The following AOPEP variants were observed in gnomAD, a reference collection of about 807,000 sequenced individuals.
AOPEP encodes aminopeptidase O (putative), also known as aminopeptidase O.
Under a neutral mutation model 98.1 loss-of-function variants are expected in AOPEP, and 77 were observed. The ratio of observed to expected loss-of-function variants is 0.78; its 90% CI spans 0.65 to 0.95. The LOEUF is 0.95. Among genes scored for constraint, AOPEP ranks in the 40% least tolerant of loss-of-function variants. The pLI is 0.00. For missense variants in AOPEP, 1,024 were observed against 1,024.7 expected, an observed-to-expected ratio of 1.00 and a Z score of 0.01; for synonymous variants, 346 against 365.3, an observed-to-expected ratio of 0.95 and a Z score of 0.60.
intron 13 of AOPEP, among the ~76,000 whole-genome samples, chr9:95,026,099 C>T (rs563994969): frequency 1.6e-4 from 24 of 152,126 alleles, no homozygotes; most frequent in Non-Finnish European, 2.8e-4. Context: ...TCATCTTTTC[C>T]ACTCTGAAGT....
At chr9:95,060,339 G>A (rs2067218437) in intron 13 of AOPEP, among the ~76,000 whole-genome samples, 2 of 152,194 alleles carry the variant, frequency 1.3e-5, no homozygotes, top group Admixed American at 6.5e-5. Flanking sequence ...TTGAATCTTT[G>A]TCTAGGCTAA....
chr9:95,061,239 T>C (rs970772958), intron 14 of AOPEP, among the ~76,000 whole-genome samples: 1 of 152,306 alleles, frequency 6.6e-6, no homozygotes, highest in South Asian at 2.1e-4. Flanking sequence ...GCAGCTGTAG[T>C]TGGAAAAGGC....
At position 94,978,258 on chromosome 9, in the gene AOPEP, G is replaced by A. The variant is rs182062272; in HGVS notation, c.1917-1109G>A. On this transcript the variant is annotated intron_variant, in intron 10 of 16. Transcript: ENST00000375315. The stretch of plus-strand genomic sequence containing the variant: ...ATAGTTACATACTTTTACATATGAT[G>A]TAGTGTATAATACATTAAAATTTAA... Among the ~76,000 whole-genome samples the A allele has an allele frequency of 4.8e-3, 731 of 152,232 alleles. 3 individuals carry two copies. The highest frequency in any genetic ancestry group is 0.01 in the Middle Eastern group (3 of 294).
chr9:95,079,919 C>CTTT (rs985989859), intron 14 of AOPEP, among the ~76,000 whole-genome samples: 2 of 152,214 alleles, frequency 1.3e-5, no homozygotes, highest in Non-Finnish European at 2.9e-5. Context: ...CAGAAGGGTG[C>CTTT]TTTGCCTCTT....
At chr9:95,032,565 G>A (rs186987995) in intron 13 of AOPEP, among the ~76,000 whole-genome samples, 162 of 152,290 alleles carry the variant, frequency 1.1e-3, no homozygotes, top group Admixed American at 2.1e-3. Context: ...CTTCACCTTG[G>A]GTGTACAGTG....
At chr9:95,004,668 C>T (rs1014677957) in intron 11 of AOPEP, among the ~76,000 whole-genome samples, 11 of 150,960 alleles carry the variant, frequency 7.3e-5, no homozygotes, top group African/African-American at 2.7e-4. Context: ...GCGCGGGCCC[C>T]TCTCGCTGCC....
downstream of AOPEP, among the ~76,000 whole-genome samples, chr9:95,091,894 G>T (rs967089216): frequency 5.9e-5 from 9 of 152,188 alleles, no homozygotes; most frequent in African/African-American, 2.2e-4. Context: ...AGCCCCCATG[G>T]GAGGCCCAGC....
intron 5 of AOPEP, among the ~76,000 whole-genome samples, chr9:94,909,346 TAAAAAAAAA>T (rs3052031): frequency 3.7e-5 from 3 of 82,032 alleles, no homozygotes; most frequent in Non-Finnish European, 6.8e-5. Context: ...TTTGGAGCCT[TAAAAAAAAA>T]AAAAAAAAAA....
At position 94,855,889 on chromosome 9, in the gene AOPEP, A is replaced by G. The variant is rs529325008; in HGVS notation, c.1364+54887A>G. 4.6e-4 allele frequency among the ~76,000 whole-genome samples: 70 copies of G among 152,270 alleles called. 1 individual carries two copies. Among genetic ancestry groups the G allele is most frequent in the African/African-American group, 1.5e-3 (63 of 41,542 alleles). ...TCCTCTTCTTAGATTCTGGGGTGAG[A>G]CTGAAAGAATATATATAACAAAGGA... On this transcript the variant is annotated intron_variant, in intron 5 of 16. Coordinates refer to ENST00000375315, the MANE Select transcript of AOPEP (RefSeq NM_001193329.3).
intron 4 of AOPEP, among the ~76,000 whole-genome samples, chr9:94,797,817 C>T (rs1042518946): frequency 6.6e-6 from 1 of 151,788 alleles, no homozygotes; most frequent in Non-Finnish European, 1.5e-5. Flanking sequence ...ATTCTCCTGC[C>T]TCAGTCTCCC....
chr9:94,955,771 A>C lies in AOPEP; in HGVS notation c.1765-137A>C, dbSNP rs2058405510. The C allele has an allele frequency of 1.4e-5, 8 of 581,104 alleles. No individual in the cohort carries two copies. The East Asian group carries it at 2.1e-4, about 15-fold the overall frequency. The allele number at this position is 581,104 out of a possible 1,614,324, so 36.0% of individuals were successfully genotyped here. ...CCACGCCTTCCTGGTGAAAATGGAA[A>C]GGGCAGCCAGGGACAGGTAGGACGG... On this transcript the variant is annotated intron_variant, in intron 8 of 16. Coordinates refer to ENST00000375315, the MANE Select transcript of AOPEP (RefSeq NM_001193329.3).
intron 16 of AOPEP, among the ~76,000 whole-genome samples, chr9:95,083,581 CAG>C (rs2070165288): frequency 6.6e-6 from 1 of 151,494 alleles, no homozygotes; most frequent in Non-Finnish European, 1.5e-5. Flanking sequence ...ATGCACAACA[CAG>C]AGCACACACA....
chr9:95,150,134 T>A, the AOPEP span: 4 of 1,604,808 alleles, frequency 2.5e-6, no homozygotes, highest in Non-Finnish European at 8.5e-7. Flanking sequence ...GAGCCATGCA[T>A]AATTAAGGAC....
Position 94,980,750 on chromosome 9 carries a change from G to A in AOPEP, c.1977+1323G>A, listed in dbSNP as rs1008252731. ...AAGGCAGTGCGTGGTTGGGGGCAGC[G>A]CCTTTCACTCACGTGTGTGACAATG... On this transcript the variant is annotated intron_variant, in intron 11 of 16. Transcript: ENST00000375315. This position sits in a 1 kb window ranked among gnomAD's most constrained non-coding sequence, Gnocchi z 4.3. 2.0e-5 allele frequency among the ~76,000 whole-genome samples: 3 copies of A among 152,198 alleles called. No individual in the cohort carries two copies. Among genetic ancestry groups the A allele is most frequent in the Non-Finnish European group, 2.9e-5 (2 of 68,026 alleles).
the AOPEP span, among the ~76,000 whole-genome samples, chr9:95,106,162 G>T: frequency 2.0e-5 from 3 of 151,926 alleles, no homozygotes; most frequent in African/African-American, 7.2e-5. Flanking sequence ...CCATCCTGAT[G>T]GCTGTGCAGT....
chr9:94,868,109 G>A (rs1231428848), intron 5 of AOPEP, among the ~76,000 whole-genome samples: 2 of 152,158 alleles, frequency 1.3e-5, no homozygotes, highest in Non-Finnish European at 1.5e-5. Context: ...GCAAATGAAC[G>A]AATCCAATGC....
At chr9:94,918,009 A>G (rs932746780) in intron 5 of AOPEP, among the ~76,000 whole-genome samples, 2 of 151,764 alleles carry the variant, frequency 1.3e-5, no homozygotes, top group Non-Finnish European at 2.9e-5. Flanking sequence ...TAATTTTGTT[A>G]TCTTCTTGCC....
At chr9:94,738,127 T>G (rs1392268099) in intron 1 of AOPEP, among the ~76,000 whole-genome samples, 2 of 152,230 alleles carry the variant, frequency 1.3e-5, no homozygotes, top group Non-Finnish European at 2.9e-5. Flanking sequence ...GTGTACTTCA[T>G]GTACCTAGCC....
chr9:94,731,430 G>A (rs200418330), intron 1 of AOPEP, among the ~76,000 whole-genome samples: 12 of 152,214 alleles, frequency 7.9e-5, no homozygotes, highest in Middle Eastern at 3.4e-3. Context: ...GTTTCACTGC[G>A]TTAGCCAGGA....
Sources: gnomAD v4.1 joint callset for allele counts (sites outside exome capture counted in the v4.1 genomes callset) on GRCh38, gnomAD v4.1.1 for gene constraint, Gnocchi (gnomAD v3.1) non-coding constraint, MANE v1.5 for transcripts, NCBI Gene and HGNC (gene_info 2026-07-23, HGNC 2026-07-21) for gene names.